SPAG16: variants seen among roughly 807,000 people sequenced by gnomAD.
SPAG16 encodes sperm-associated antigen 16 protein.
In SPAG16, 86 loss-of-function variants were observed where a neutral mutation model predicts 80.4. That is an observed-to-expected ratio of 1.07 (90% CI 0.90 to 1.28). The LOEUF (loss-of-function observed/expected upper bound fraction) is 1.28, where lower values mean the gene tolerates loss of function less well. Among genes scored for constraint, SPAG16 ranks in the 50% most tolerant of loss-of-function variants. The probability of loss-of-function intolerance (pLI) is 0.00; values close to 1 mark genes in which losing one functional copy is unlikely to be tolerated. For missense variants in SPAG16, 870 were observed against 765.3 expected, an observed-to-expected ratio of 1.14 and a Z score of -1.61; for synonymous variants, 294 against 265.9, an observed-to-expected ratio of 1.11 and a Z score of -1.03.
At chr2:214,217,081 T>G (rs1054629600) in intron 15 of SPAG16, among the ~76,000 whole-genome samples, 3 of 152,240 alleles carry the variant, frequency 2.0e-5, no homozygotes, top group African/African-American at 7.2e-5. Flanking sequence ...AGCCAAGTGG[T>G]GGATTTAACA....
In SPAG16 at chr2:214,168,050, G is replaced by T. The variant is rs377053454; in HGVS notation, c.1720+18784G>T. ...CTGTCACCCAGGCTAAAGTGCAGTG[G>T]TGCCATCTGAGCTCACTGCAACTCC... On this transcript the variant is annotated intron_variant, in intron 15 of 15. Transcript: ENST00000331683. Among the ~76,000 whole-genome samples the T allele has an allele frequency of 5.4e-5, 8 of 147,192 alleles. No homozygotes were observed. The Admixed American group carries it at 5.5e-4, about 10-fold the overall frequency.
chr2:213,976,135 T>TATATATACACACACAC (rs749957411), intron 12 of SPAG16, among the ~76,000 whole-genome samples: 104 of 81,392 alleles, frequency 1.3e-3, no homozygotes, highest in African/African-American at 3.0e-3. Context: ...TATATATATA[T>TATATATACACACACAC]ACACACACAC....
chr2:214,270,692 GCA>G (rs1559169974), intron 15 of SPAG16, among the ~76,000 whole-genome samples: 1 of 152,024 alleles, frequency 6.6e-6, no homozygotes, highest in Non-Finnish European at 1.5e-5. Context: ...TGCCTGAAAT[GCA>G]TATGCTTGAT....
chr2:213,836,744 G>C (rs927239228), intron 10 of SPAG16, among the ~76,000 whole-genome samples: 2 of 152,050 alleles, frequency 1.3e-5, no homozygotes, highest in Non-Finnish European at 2.9e-5. Context: ...CCACTGAGTA[G>C]CTAGGATTGC....
chr2:214,080,818 C>A (rs2051349047), intron 13 of SPAG16, among the ~76,000 whole-genome samples: 1 of 151,900 alleles, frequency 6.6e-6, no homozygotes, highest in Admixed American at 6.6e-5. Flanking sequence ...TTTGTAATTG[C>A]AAGTTTCTTT....
chr2:213,988,756 G>A (rs759278458), intron 12 of SPAG16, among the ~76,000 whole-genome samples: 2 of 151,870 alleles, frequency 1.3e-5, no homozygotes, highest in African/African-American at 4.8e-5. Context: ...TACAGGATCT[G>A]TATGTTGAAA....
intron 10 of SPAG16, among the ~76,000 whole-genome samples, chr2:213,584,360 A>G (rs114886211): frequency 1.0e-3 from 152 of 152,266 alleles, no homozygotes; most frequent in African/African-American, 3.3e-3. Context: ...GAAATATATG[A>G]TGACTTGAAA....
intron 11 of SPAG16, among the ~76,000 whole-genome samples, chr2:213,907,212 G>A (rs1255949983): frequency 6.6e-6 from 1 of 152,050 alleles, no homozygotes; most frequent in African/African-American, 2.4e-5. Context: ...ATTAAAAAGT[G>A]GGCAAAGATA....
chr2:214,399,877 A>C (rs1355088459), intron 15 of SPAG16, among the ~76,000 whole-genome samples: 1 of 152,068 alleles, frequency 6.6e-6, no homozygotes, highest in African/African-American at 2.4e-5. Context: ...AGCTTTTCTG[A>C]AATGTTTGCA....
chr2:213,798,177 G>A (rs11678163), intron 10 of SPAG16, among the ~76,000 whole-genome samples: 91,326 of 152,046 alleles, frequency 0.6, 29,448 homozygotes, highest in South Asian at 0.86. Flanking sequence ...ACTTGTAAGC[G>A]TTCTTTATAT....
At position 214,015,774 on chromosome 2, in the gene SPAG16, G is replaced by A. The variant is rs554321283; in HGVS notation, c.1527+1697G>A. Reference sequence around the variant, plus strand: ...TCTGGGGTCCTGTTGGCTAAGAGATGTTCCATTCAGTTGGCTGGGGGAGGG... The same window carrying A: ...TCTGGGGTCCTGTTGGCTAAGAGATATTCCATTCAGTTGGCTGGGGGAGGG... On this transcript the variant is annotated intron_variant, in intron 13 of 15. Coordinates refer to ENST00000331683, the MANE Select transcript of SPAG16 (RefSeq NM_024532.5). Among the ~76,000 whole-genome samples the A allele has an allele frequency of 1.4e-4, 22 of 152,186 alleles. 2 individuals carry two copies. The South Asian group carries it at 4.6e-3, about 32-fold the overall frequency.
intron 10 of SPAG16, among the ~76,000 whole-genome samples, chr2:213,688,963 A>G (rs951372044): frequency 6.6e-6 from 1 of 152,012 alleles, no homozygotes; most frequent in African/African-American, 2.4e-5. Flanking sequence ...ATGACTTAAA[A>G]TGTTCTCTTT....
chr2:214,159,852 T>C (rs1281166233), intron 15 of SPAG16, among the ~76,000 whole-genome samples: 1 of 151,978 alleles, frequency 6.6e-6, no homozygotes, highest in Non-Finnish European at 1.5e-5. Context: ...CTTTGAATAA[T>C]AGACATACAT....
chr2:213,929,000 C>CTTTTTTTTTTTTTT (rs59993057), intron 11 of SPAG16, among the ~76,000 whole-genome samples: 2 of 40,834 alleles, frequency 4.9e-5, no homozygotes, highest in South Asian at 1.8e-3. Context: ...CTTTTCTTTT[C>CTTTTTTTTTTTTTT]TTTTTTTTTT....
intron 10 of SPAG16, among the ~76,000 whole-genome samples, chr2:213,697,824 A>AAAAC (rs2065226516): frequency 1.3e-5 from 2 of 152,156 alleles, no homozygotes; most frequent in Non-Finnish European, 1.5e-5. Flanking sequence ...TTCCTTTTAA[A>AAAAC]AAACAACATT....
intron 1 of SPAG16, among the ~76,000 whole-genome samples, chr2:213,285,381 T>A (rs1194922400): frequency 2.6e-5 from 4 of 152,182 alleles, no homozygotes; most frequent in Non-Finnish European, 5.9e-5. Context: ...CCTCTAGTTA[T>A]ATAGATTAAT....
chr2:213,879,386 G>T (rs72944954), intron 11 of SPAG16, among the ~76,000 whole-genome samples: 88,307 of 150,236 alleles, frequency 0.59, 27,643 homozygotes, highest in South Asian at 0.85. Flanking sequence ...TATCCATGGG[G>T]GTGTGTGTGT....
At chr2:213,541,674 A>G (rs762580696) in intron 10 of SPAG16, among the ~76,000 whole-genome samples, 2 of 152,198 alleles carry the variant, frequency 1.3e-5, no homozygotes, top group African/African-American at 2.4e-5. Context: ...AGAATAGAAG[A>G]GAGAACCCTT....
At chr2:214,348,322 A>G (rs1227340379) in intron 15 of SPAG16, among the ~76,000 whole-genome samples, 1 of 152,222 alleles carries the variant, frequency 6.6e-6, no homozygotes, top group Non-Finnish European at 1.5e-5. Context: ...CATGGAAGAA[A>G]TGAAAATGAT....
Sources: gnomAD v4.1 joint callset for allele counts (sites outside exome capture counted in the v4.1 genomes callset) on GRCh38, gnomAD v4.1.1 for gene constraint, MANE v1.5 for transcripts, NCBI Gene and HGNC (gene_info 2026-07-23, HGNC 2026-07-21) for gene names.